Variants in FBXO32 observed in about 807,000 individuals in gnomAD.
The protein encoded by FBXO32 is F-box protein 32, also known as F-box only protein 32.
A neutral mutation model predicts 48.3 loss-of-function variants in FBXO32; 15 were observed. The observed-to-expected ratio is 0.31, with a 90% CI of 0.21 to 0.48. FBXO32 has a LOEUF of 0.48. Among genes scored for constraint, FBXO32 ranks in the 20% least tolerant of loss-of-function variants. The probability of loss-of-function intolerance (pLI) is 0.99; values close to 1 mark genes in which losing one functional copy is unlikely to be tolerated. For missense variants in FBXO32, 309 were observed against 432.7 expected, an observed-to-expected ratio of 0.71 and a Z score of 2.54; for synonymous variants, 154 against 165.9, an observed-to-expected ratio of 0.93 and a Z score of 0.55.
At chr8:123,509,861 T>C (rs911171023) in intron 6 of FBXO32, among the ~76,000 whole-genome samples, 2 of 152,196 alleles carry the variant, frequency 1.3e-5, no homozygotes, top group Non-Finnish European at 2.9e-5. Flanking sequence ...GCACAGCCTC[T>C]GTGGACAGGC....
At chr8:123,528,077 G>T (rs1204120070) in intron 4 of FBXO32, among the ~76,000 whole-genome samples, 4 of 152,198 alleles carry the variant, frequency 2.6e-5, no homozygotes, top group Non-Finnish European at 5.9e-5. Flanking sequence ...AACTGATTGG[G>T]ATCACCAGGC....
intron 4 of FBXO32, among the ~76,000 whole-genome samples, chr8:123,529,359 TA>T (rs1384138810): frequency 6.6e-6 from 1 of 152,240 alleles, no homozygotes; most frequent in Non-Finnish European, 1.5e-5. Context: ...AAAAGCGTTT[TA>T]GGGGGAAATC....
chr8:123,501,813 A>C lies in FBXO32; in HGVS notation c.*1560T>G, dbSNP rs1816496502. ...CTATTTCTGCTTCACTTATTTGCCA[A>C]GGGCATGCAGGGTGACAAGTTTATT... is the stretch of plus-strand genomic sequence containing the variant. On this transcript the variant is annotated 3_prime_UTR_variant, in exon 9 of 9. Coordinates refer to ENST00000517956, the MANE Select transcript of FBXO32 (RefSeq NM_058229.4). 6.6e-6 allele frequency: 1 copy of C among 152,104 alleles called. No individual in the cohort carries two copies. The highest frequency in any genetic ancestry group is 2.4e-5 in the African/African-American group (1 of 41,374). The allele number at this position is 152,104 out of a possible 1,614,324, so 9.4% of individuals were successfully genotyped here. A position where few individuals can be genotyped will look rare whatever the true frequency, so the allele number is the denominator to read the frequency against.
At chr8:123,514,433 G>C in intron 4 of FBXO32, 100 bp from the exon 5 acceptor site, 1 of 772,274 alleles carries the variant, frequency 1.3e-6, no homozygotes, top group Non-Finnish European at 2.0e-6. Flanking sequence ...ACAGACTGAC[G>C]GGGAGAGATA....
Position 123,541,117 on chromosome 8 carries a change from G to A in FBXO32, c.-103C>T. On this transcript the variant is annotated 5_prime_UTR_variant, in exon 1 of 9. Coordinates refer to ENST00000517956, the MANE Select transcript of FBXO32 (RefSeq NM_058229.4). The stretch of plus-strand genomic sequence containing the variant: ...GCTCGGGGTGCAGGGGCCCGCGACG[G>A]GGGCGGCGGGGCGGCGGGAACGGCG... The A allele has an allele frequency of 1.8e-6, 1 of 551,884 alleles. No homozygotes were observed. The highest frequency in any genetic ancestry group is 2.1e-5 in the African/African-American group (1 of 48,052). The allele number at this position is 551,884 out of a possible 1,614,324, so 34.2% of individuals were successfully genotyped here.
At position 123,541,067 on chromosome 8, in the gene FBXO32, C is replaced by T. The variant is rs1206445377; in HGVS notation, c.-53G>A. On this transcript the variant is annotated 5_prime_UTR_variant, in exon 1 of 9. Coordinates refer to ENST00000517956, the MANE Select transcript of FBXO32 (RefSeq NM_058229.4). Reference sequence around the variant, plus strand: ...GGAGACGGGGCCGGCCTGGTGGGCTCGGGGACGTGCCACCCGGGGCGGATG... The same window carrying T: ...GGAGACGGGGCCGGCCTGGTGGGCTTGGGGACGTGCCACCCGGGGCGGATG... The T allele has an allele frequency of 1.0e-5, 13 of 1,252,760 alleles. No homozygotes were observed. The highest frequency in any genetic ancestry group is 1.5e-5 in the South Asian group (1 of 64,672). 77.6% of individuals were successfully genotyped at this position (1,252,760 alleles called of 1,614,324 possible). A position where few individuals can be genotyped will look rare whatever the true frequency, so the allele number is the denominator to read the frequency against.
chr8:123,500,390 T>TG lies in FBXO32; in HGVS notation c.*2982dup, dbSNP rs1418451795. On this transcript the variant is annotated 3_prime_UTR_variant, in exon 9 of 9. Transcript: ENST00000517956. ...AAATTCTGTTTTACAGGGTTTAGGA[T>TG]GGGGGTAGGTAGGCACAGGAAAGAG... 2.0e-5 allele frequency: 3 copies of TG among 152,216 alleles called. No individual in the cohort carries two copies. Among genetic ancestry groups the TG allele is most frequent in the African/African-American group, 4.8e-5 (2 of 41,446 alleles). 9.4% of individuals were successfully genotyped at this position (152,216 alleles called of 1,614,324 possible).
In FBXO32 at chr8:123,513,362, T is replaced by A; in HGVS notation, c.487A>T (p.Ile163Phe). The stretch of plus-strand genomic sequence containing the variant: ...TGGAGTAGTTCCCTTATTAGTCTAA[T>A]GTTTTGCTGGTCTTCAAGGACTTGA... Reference protein sequence around the residue: ...VLKVLEDQQNIRLIRELLQTL... With the variant: ...VLKVLEDQQNFRLIRELLQTL... The change falls in exon 6 of 9, where the codon ATT (isoleucine) becomes TTT (phenylalanine). Residue 163 changes from isoleucine (I) to phenylalanine (F), a missense_variant. Physicochemically the swap from Ile to Phe is conservative, Grantham distance 21. Transcript: ENST00000517956. This position sits in a 1 kb window ranked among gnomAD's most constrained non-coding sequence, Gnocchi z 4.3. The A allele has an allele frequency of 6.2e-7, 1 of 1,614,058 alleles. No individual in the cohort carries two copies.
At chr8:123,533,539 G>C (rs1174144543) in intron 2 of FBXO32, among the ~76,000 whole-genome samples, 1 of 152,146 alleles carries the variant, frequency 6.6e-6, no homozygotes, top group Non-Finnish European at 1.5e-5. Context: ...CAGATGCAGT[G>C]GCTCATGCCT....
At position 123,503,035 on chromosome 8, in the gene FBXO32, G is replaced by C. The variant is rs530135290; in HGVS notation, c.*338C>G. The C allele has an allele frequency of 2.4e-5, 4 of 167,926 alleles. No individual in the cohort carries two copies. The Admixed American group carries it at 2.5e-4, about 11-fold the overall frequency. The allele number at this position is 167,926 out of a possible 1,614,324, so 10.4% of individuals were successfully genotyped here. ...TTTGAGTTTTGCCTTTTTCTTCCTA[G>C]GGAACTATAAGAGAGTTTCTGTGAC... is the stretch of plus-strand genomic sequence containing the variant. On this transcript the variant is annotated 3_prime_UTR_variant, in exon 9 of 9. Coordinates refer to ENST00000517956, the MANE Select transcript of FBXO32 (RefSeq NM_058229.4).
At chr8:123,528,325 T>A (rs1817130775) in intron 4 of FBXO32, among the ~76,000 whole-genome samples, 1 of 152,226 alleles carries the variant, frequency 6.6e-6, no homozygotes, top group African/African-American at 2.4e-5. Context: ...GACCTCTCTG[T>A]GGCCTGGTTA....
chr8:123,524,894 C>T (rs567623423), intron 4 of FBXO32, among the ~76,000 whole-genome samples: 2 of 152,320 alleles, frequency 1.3e-5, no homozygotes, highest in East Asian at 1.9e-4. Context: ...GCCTTTTCTC[C>T]ATCCCAGATA....
chr8:123,533,639 C>T (rs983980477), intron 2 of FBXO32, among the ~76,000 whole-genome samples: 2 of 152,148 alleles, frequency 1.3e-5, no homozygotes, highest in African/African-American at 2.4e-5. Flanking sequence ...GAAACCCCGT[C>T]TCTTCTAAAA....
intron 3 of FBXO32, among the ~76,000 whole-genome samples, chr8:123,532,893 A>T (rs1817236847): frequency 6.6e-6 from 1 of 152,234 alleles, no homozygotes; most frequent in African/African-American, 2.4e-5. Context: ...CCTTGCCCTG[A>T]GGCAAAACCC....
intron 4 of FBXO32, among the ~76,000 whole-genome samples, chr8:123,517,076 T>C (rs933506561): frequency 6.6e-6 from 1 of 152,150 alleles, no homozygotes. Context: ...GATCCTCACA[T>C]GACCAACATG....
In FBXO32 at chr8:123,541,035, C is replaced by A; in HGVS notation, c.-21G>T. 6.5e-7 allele frequency: 1 copy of A among 1,543,448 alleles called. No individual in the cohort carries two copies. The highest frequency in any genetic ancestry group is 1.1e-5 in the South Asian group (1 of 87,244). On this transcript the variant is annotated 5_prime_UTR_variant, in exon 1 of 9. Transcript: ENST00000517956. Reference sequence around the variant, plus strand: ...GGCATGGCACCGCGAGCGGACTAGACGGATGGGGAGACGGGGCCGGCCTGG... The same window carrying A: ...GGCATGGCACCGCGAGCGGACTAGAAGGATGGGGAGACGGGGCCGGCCTGG...
intron 1 of FBXO32, among the ~76,000 whole-genome samples, chr8:123,535,779 T>C (rs1004277201): frequency 6.6e-6 from 1 of 151,622 alleles, no homozygotes; most frequent in African/African-American, 2.4e-5. Flanking sequence ...CCCCACAAAG[T>C]ATGTAAAACA....
chr8:123,516,267 C>T (rs1563922071), intron 4 of FBXO32, among the ~76,000 whole-genome samples: 1 of 152,150 alleles, frequency 6.6e-6, no homozygotes, highest in Non-Finnish European at 1.5e-5. Context: ...CCACCAGGCC[C>T]CCAGAGAAAA....
At chr8:123,508,716 A>G (rs987436705) in intron 6 of FBXO32, among the ~76,000 whole-genome samples, 4 of 152,102 alleles carry the variant, frequency 2.6e-5, no homozygotes, top group African/African-American at 9.7e-5. Context: ...AGCTAATAAA[A>G]CTGCCATGAG....
Sources: allele counts gnomAD v4.1 joint callset (sites outside exome capture counted in the v4.1 genomes callset), GRCh38; gene constraint gnomAD v4.1.1; non-coding constraint Gnocchi (gnomAD v3.1); transcripts MANE v1.5; gene names NCBI Gene and HGNC (gene_info 2026-07-23, HGNC 2026-07-21).